PTPRD: variants seen among roughly 807,000 people sequenced by gnomAD.
The protein encoded by PTPRD is protein tyrosine phosphatase receptor type D.
In PTPRD, 34 loss-of-function variants were observed where a neutral mutation model predicts 214.5. The observed-to-expected ratio is 0.16, with a 90% CI of 0.12 to 0.21. The LOEUF (loss-of-function observed/expected upper bound fraction) is 0.21, where lower values mean the gene tolerates loss of function less well. Among genes scored for constraint, PTPRD ranks in the 10% least tolerant of loss-of-function variants. The pLI, the probability that PTPRD is intolerant of heterozygous loss-of-function variation, is 1.00. For missense variants in PTPRD, 2,545 were observed against 2,398.7 expected, an observed-to-expected ratio of 1.06 and a Z score of -1.27; for synonymous variants, 1,128 against 845.7, an observed-to-expected ratio of 1.33 and a Z score of -5.79.
At chr9:10,231,300 A>G (rs10958964) in intron 3 of PTPRD, among the ~76,000 whole-genome samples, 61,807 of 151,372 alleles carry the variant, frequency 0.41, 13,761 homozygotes, top group Admixed American at 0.5. Flanking sequence ...TGGAATAGAG[A>G]GAGGCTGTGA....
At chr9:9,947,555 A>ATATATTTTATATATATAATATATATAT (rs1361865815) in intron 4 of PTPRD, among the ~76,000 whole-genome samples, 1 of 44,928 alleles carries the variant, frequency 2.2e-5, no homozygotes, top group African/African-American at 1.2e-4. Context: ...TATATATTAT[A>ATATATTTTATATATATAATATATATAT]TATATATTTT....
chr9:9,743,928 T>C (rs1315755720), intron 6 of PTPRD, among the ~76,000 whole-genome samples: 1 of 152,150 alleles, frequency 6.6e-6, no homozygotes, highest in African/African-American at 2.4e-5. Context: ...CTACTCCTTA[T>C]AGAAACAGTG....
At chr9:10,397,930 T>C (rs1240453601) in intron 2 of PTPRD, among the ~76,000 whole-genome samples, 1 of 152,010 alleles carries the variant, frequency 6.6e-6, no homozygotes, top group Non-Finnish European at 1.5e-5. Context: ...GAATGTATTG[T>C]TGTCATTAAG....
At chr9:8,803,470 T>C (rs1460968299) in intron 11 of PTPRD, among the ~76,000 whole-genome samples, 1 of 152,178 alleles carries the variant, frequency 6.6e-6, no homozygotes, top group Non-Finnish European at 1.5e-5. Context: ...AGCAATGATA[T>C]CTTCTAGCAT....
chr9:10,396,076 C>G (rs746360851), intron 2 of PTPRD, among the ~76,000 whole-genome samples: 5 of 151,828 alleles, frequency 3.3e-5, no homozygotes, highest in Non-Finnish European at 7.4e-5. Context: ...TCCAATCCTT[C>G]GTGAGCCTGA....
chr9:8,501,684 T>C (rs1451997593), intron 23 of PTPRD, among the ~76,000 whole-genome samples: 1 of 152,080 alleles, frequency 6.6e-6, no homozygotes, highest in Admixed American at 6.5e-5. Flanking sequence ...ATAAAAAAAA[T>C]GTTAACATTG....
intron 11 of PTPRD, among the ~76,000 whole-genome samples, chr9:8,776,901 ATATGTATAATATATG>A (rs2095503460): frequency 5.0e-5 from 1 of 20,050 alleles, no homozygotes; most frequent in Admixed American, 5.5e-4. Flanking sequence ...TATATAATAC[ATATGTATAATATATG>A]TATAATATAT....
At chr9:8,693,276 C>T (rs1013710711) in intron 12 of PTPRD, among the ~76,000 whole-genome samples, 1 of 152,162 alleles carries the variant, frequency 6.6e-6, no homozygotes, top group Admixed American at 6.5e-5. Context: ...AGTGGAACAC[C>T]TCATCTTCTT....
intron 3 of PTPRD, among the ~76,000 whole-genome samples, chr9:10,217,946 T>C (rs890737895): frequency 6.6e-6 from 1 of 151,944 alleles, no homozygotes; most frequent in Non-Finnish European, 1.5e-5. Context: ...TAGAAGCTTA[T>C]GTTTAAAGGC....
At chr9:9,242,769 C>A (rs1210979523) in intron 9 of PTPRD, among the ~76,000 whole-genome samples, 1 of 152,084 alleles carries the variant, frequency 6.6e-6, no homozygotes, top group Non-Finnish European at 1.5e-5. Flanking sequence ...TTTTTAACTT[C>A]TTTCCGATGG....
At chr9:9,751,579 T>A (rs537440468) in intron 6 of PTPRD, among the ~76,000 whole-genome samples, 1 of 152,190 alleles carries the variant, frequency 6.6e-6, no homozygotes, top group Admixed American at 6.6e-5. Context: ...TGAGGTCATG[T>A]TGAAGTGGGA....
chr9:9,084,910 T>C (rs1233823851), intron 10 of PTPRD, among the ~76,000 whole-genome samples: 2 of 152,300 alleles, frequency 1.3e-5, no homozygotes, highest in African/African-American at 4.8e-5. Flanking sequence ...CTCATATGTA[T>C]TTTTAAGACT....
At chr9:8,408,898 C>T (rs899507851) in intron 35 of PTPRD, among the ~76,000 whole-genome samples, 17 of 148,166 alleles carry the variant, frequency 1.1e-4, no homozygotes, top group African/African-American at 3.7e-4. Context: ...TAAAGAACAA[C>T]GGGAAAGTCT....
intron 2 of PTPRD, among the ~76,000 whole-genome samples, chr9:10,452,510 A>C (rs1304530590): frequency 6.6e-6 from 1 of 151,418 alleles, no homozygotes; most frequent in African/African-American, 2.4e-5. Flanking sequence ...TATATTGGCC[A>C]CCCTAACATG....
At position 8,439,966 on chromosome 9, in the gene PTPRD, TG is replaced by T. The variant is rs1268803665; in HGVS notation, c.3989-3278del. On this transcript the variant is annotated intron_variant, in intron 34 of 45. Coordinates refer to ENST00000381196, the MANE Select transcript of PTPRD (RefSeq NM_002839.4). Reference sequence around the variant, plus strand: ...TTTTTTTTTTTTTTTTTTTTTTTTTTGCAGGCTGTACACCAGACCAATTAAT... The same window carrying T: ...TTTTTTTTTTTTTTTTTTTTTTTTTTCAGGCTGTACACCAGACCAATTAAT... Among the ~76,000 whole-genome samples the T allele has an allele frequency of 4.7e-4, 52 of 110,950 alleles. 1 individual carries two copies. Among genetic ancestry groups the T allele is most frequent in the Non-Finnish European group, 8.3e-4 (43 of 51,842 alleles). The allele number at this position is 110,950 out of a possible 152,430, so 72.8% of individuals were successfully genotyped here.
intron 39 of PTPRD, among the ~76,000 whole-genome samples, chr9:8,375,517 ATAT>A (rs1488573516): frequency 1.3e-5 from 2 of 151,994 alleles, no homozygotes; most frequent in African/African-American, 4.8e-5. Flanking sequence ...CTTGTATGAT[ATAT>A]TATTATTTTG....
At chr9:8,723,372 C>T (rs2098522991) in intron 12 of PTPRD, among the ~76,000 whole-genome samples, 1 of 152,162 alleles carries the variant, frequency 6.6e-6, no homozygotes, top group African/African-American at 2.4e-5. Context: ...CTCTCTTACT[C>T]TCATATTACA....
chr9:9,576,402 G>T (rs879716551), intron 7 of PTPRD, among the ~76,000 whole-genome samples: 3 of 151,988 alleles, frequency 2.0e-5, no homozygotes, highest in African/African-American at 4.8e-5. Context: ...AGACCTCCCG[G>T]GCTCATTTGT....
chr9:9,060,912 A>AT (rs986525884), intron 10 of PTPRD, among the ~76,000 whole-genome samples: 38 of 152,248 alleles, frequency 2.5e-4, no homozygotes, highest in African/African-American at 8.2e-4. Context: ...TCAGCAATAA[A>AT]TTTTTTTTAA....
Sources: gnomAD v4.1 joint callset for allele counts (sites outside exome capture counted in the v4.1 genomes callset) on GRCh38, gnomAD v4.1.1 for gene constraint, MANE v1.5 for transcripts, NCBI Gene and HGNC (gene_info 2026-07-23, HGNC 2026-07-21) for gene names.